INSR: variants seen among roughly 807,000 people sequenced by gnomAD.
The protein encoded by INSR is IR.
Under a neutral mutation model 142.6 loss-of-function variants are expected in INSR, and 67 were observed. The ratio of observed to expected loss-of-function variants is 0.47; its 90% CI spans 0.39 to 0.58. The LOEUF (loss-of-function observed/expected upper bound fraction) is 0.58, where lower values mean the gene tolerates loss of function less well. Among genes scored for constraint, INSR ranks in the 20% least tolerant of loss-of-function variants. The pLI is 0.00. For missense variants in INSR, 1,248 were observed against 1,833.2 expected (o/e 0.68, Z 5.83); for synonymous variants, 756 against 743.1 (o/e 1.02, Z -0.28).
At chr19:7,170,493 A>C (rs1379869599) in intron 6 of INSR, 44 bp downstream of exon 6, 47 of 1,464,300 alleles carry the variant, frequency 3.2e-5, no homozygotes, top group Middle Eastern at 2.3e-4. Flanking sequence ...ATCTTCCACT[A>C]CACCGGTCCC....
chr19:7,127,327 C>A (rs1972670750), intron 15 of INSR, among the ~76,000 whole-genome samples: 1 of 152,104 alleles, frequency 6.6e-6, no homozygotes, highest in African/African-American at 2.4e-5. Context: ...AACTAGTGAG[C>A]CAGTTGTTAA....
At chr19:7,170,468 GTCCATGGAAAAACCATCT>G (rs1364093024) in intron 6 of INSR, 51 bp downstream of exon 6, 2 of 1,168,100 alleles carry the variant, frequency 1.7e-6, no homozygotes, top group Non-Finnish European at 2.6e-6. Context: ...CCCACCACCA[GTCCATGGAAAAACCATCT>G]TCCACTACAC....
intron 11 of INSR, among the ~76,000 whole-genome samples, chr19:7,149,611 C>G (rs559907050): frequency 6.6e-6 from 1 of 152,128 alleles, no homozygotes; most frequent in African/African-American, 2.4e-5. Flanking sequence ...CGCCTGAGGT[C>G]GGGAGATCGA....
intron 3 of INSR, among the ~76,000 whole-genome samples, chr19:7,183,413 C>T (rs1350240421): frequency 2.0e-5 from 3 of 152,042 alleles, no homozygotes; most frequent in African/African-American, 4.8e-5. Context: ...AGAAAGTCTG[C>T]GATGTGCGTA....
intron 1 of INSR, among the ~76,000 whole-genome samples, chr19:7,274,342 T>C (rs1435651328): frequency 6.6e-6 from 1 of 151,868 alleles, no homozygotes; most frequent in African/African-American, 2.4e-5. Flanking sequence ...TCACCTCTAC[T>C]GTGCAGCCCA....
chr19:7,147,724 A>C (rs1327540601), intron 11 of INSR, among the ~76,000 whole-genome samples: 1 of 152,204 alleles, frequency 6.6e-6, no homozygotes, highest in Non-Finnish European at 1.5e-5. Context: ...CAAGATTCAG[A>C]TAATTTCTAT....
intron 1 of INSR, among the ~76,000 whole-genome samples, chr19:7,290,844 G>C (rs1191782604): frequency 6.6e-6 from 1 of 151,748 alleles, no homozygotes; most frequent in Admixed American, 6.6e-5. Context: ...GGCCGAGGCG[G>C]GTGGATCACA....
chr19:7,191,214 T>C (rs1974576384), intron 2 of INSR, among the ~76,000 whole-genome samples: 1 of 151,890 alleles, frequency 6.6e-6, no homozygotes, highest in South Asian at 2.1e-4. Context: ...GCAGAATTGC[T>C]TGAACCCGGG....
intron 17 of INSR, among the ~76,000 whole-genome samples, chr19:7,124,368 CA>C (rs764900420): frequency 3.6e-3 from 70 of 19,560 alleles, no homozygotes; most frequent in African/African-American, 0.013. Context: ...GACTCCATCT[CA>C]AAAAAAAAAA....
chr19:7,208,336 C>T (rs1975174474), intron 2 of INSR, among the ~76,000 whole-genome samples: 1 of 118,646 alleles, frequency 8.4e-6, no homozygotes, highest in African/African-American at 3.4e-5. Context: ...TCTGTTTCCT[C>T]AGCCTATCTT....
chr19:7,206,432 G>C (rs527637860), intron 2 of INSR, among the ~76,000 whole-genome samples: 12 of 152,154 alleles, frequency 7.9e-5, no homozygotes, highest in Non-Finnish European at 1.2e-4. Flanking sequence ...AGCAGTGGAC[G>C]AGGGGCGGGC....
In INSR at chr19:7,192,462, G is replaced by A. The variant is rs1974629399; in HGVS notation, c.653-7825C>T. On this transcript the variant is annotated intron_variant, in intron 2 of 21. Transcript: ENST00000302850. The surrounding 1 kb of genome is among the most constrained non-coding windows in gnomAD (Gnocchi z 4.2). ...TGAGAAACAGCCCCAGTGGAGGACGGGGTTGACTTTCCTCTCCCTGTGCCC... is the reference window on the plus strand; with the variant it reads ...TGAGAAACAGCCCCAGTGGAGGACGAGGTTGACTTTCCTCTCCCTGTGCCC... Among the ~76,000 whole-genome samples, 1 of 152,070 alleles carries A rather than the reference G, an allele frequency of 6.6e-6. No individual in the cohort carries two copies. The highest frequency in any genetic ancestry group is 1.5e-5 in the Non-Finnish European group (1 of 68,016).
In INSR at chr19:7,119,363, T is replaced by C. The variant is rs1972419666; in HGVS notation, c.3794+86A>G. On this transcript the variant is annotated intron_variant, in intron 21 of 21. Transcript: ENST00000302850. This position sits in a 1 kb window ranked among gnomAD's most constrained non-coding sequence, Gnocchi z 5.2. The stretch of plus-strand genomic sequence containing the variant: ...TGCAAACACGGTGAGCGTGTAGACA[T>C]AGGAAAGGCAAAACCAAGCACACGT... The C allele has an allele frequency of 2.0e-6, 3 of 1,502,418 alleles. No homozygotes were observed. Among genetic ancestry groups the C allele is most frequent in the South Asian group, 1.1e-5 (1 of 88,488 alleles). 93.1% of individuals were successfully genotyped at this position (1,502,418 alleles called of 1,614,324 possible).
At chr19:7,189,664 CTTT>C (rs35476514) in intron 2 of INSR, among the ~76,000 whole-genome samples, 18 of 141,576 alleles carry the variant, frequency 1.3e-4, no homozygotes, top group Admixed American at 2.8e-4. Context: ...TTTACTATTA[CTTT>C]TTTTTTTTTT....
At chr19:7,292,474 G>GGGGT (rs1555693264) in intron 1 of INSR, among the ~76,000 whole-genome samples, 3 of 150,324 alleles carry the variant, frequency 2.0e-5, no homozygotes, top group East Asian at 2.0e-4. Context: ...CGGGGCTGGG[G>GGGGT]GGGGGTGGGC....
At chr19:7,237,020 C>T (rs1310144450) in intron 2 of INSR, among the ~76,000 whole-genome samples, 1 of 137,310 alleles carries the variant, frequency 7.3e-6, no homozygotes, top group Non-Finnish European at 1.5e-5. Flanking sequence ...GCGTGAGACT[C>T]TGTCTCAAAA....
intron 9 of INSR, among the ~76,000 whole-genome samples, chr19:7,154,946 G>A (rs1973551832): frequency 3.9e-5 from 6 of 151,984 alleles, no homozygotes; most frequent in Admixed American, 3.9e-4. Flanking sequence ...ACAACTGCCC[G>A]ACACCATAAT....
chr19:7,228,843 T>G (rs192778489), intron 2 of INSR, among the ~76,000 whole-genome samples: 2 of 152,280 alleles, frequency 1.3e-5, no homozygotes, highest in Admixed American at 1.3e-4. Context: ...GATGGGTGGA[T>G]GAATGGGTGG....
chr19:7,234,702 T>G (rs554200490), intron 2 of INSR, among the ~76,000 whole-genome samples: 3 of 152,266 alleles, frequency 2.0e-5, no homozygotes, highest in Non-Finnish European at 2.9e-5. Flanking sequence ...GGAGGAGATT[T>G]CAAAACACTG....
Sources: allele counts gnomAD v4.1 joint callset (sites outside exome capture counted in the v4.1 genomes callset), GRCh38; gene constraint gnomAD v4.1.1; non-coding constraint Gnocchi (gnomAD v3.1); transcripts MANE v1.5; gene names NCBI Gene and HGNC (gene_info 2026-07-23, HGNC 2026-07-21).